SLC49A3: variants seen among roughly 807,000 people sequenced by gnomAD.
SLC49A3 encodes the protein solute carrier family 49 member 3, also known as solute carrier family 49 member A3.
In SLC49A3, 50 loss-of-function variants were observed where a neutral mutation model predicts 43.8. The ratio of observed to expected loss-of-function variants is 1.14; its 90% confidence interval spans 0.91 to 1.45. The LOEUF is 1.45. SLC49A3 is among the 40% of genes most tolerant of loss of function. SLC49A3 has a pLI of 0.00. For synonymous variants in SLC49A3, 413 were observed against 352.0 expected, an observed-to-expected ratio of 1.17 and a Z score of -1.94; for missense variants, 906 against 774.1, an observed-to-expected ratio of 1.17 and a Z score of -2.02.
In SLC49A3 at chr4:689,114, G is replaced by A. The variant is rs1741617406; in HGVS notation, c.14C>T (p.Thr5Met). 6 of 1,414,856 alleles carry A rather than the reference G, an allele frequency of 4.2e-6. No individual in the cohort carries two copies. The highest frequency in any genetic ancestry group is 5.5e-6 in the Non-Finnish European group (6 of 1,091,668). 87.6% of individuals were successfully genotyped at this position (1,414,856 alleles called of 1,614,324 possible). Reference sequence around the variant, plus strand: ...CTCGGCCAACCCCGTCTCGGCCTCCGTCGGCCCCGCCATCGTCGGCGGCCT... The same window carrying A: ...CTCGGCCAACCCCGTCTCGGCCTCCATCGGCCCCGCCATCGTCGGCGGCCT... MAGP[T>M]EAETGLAEPR... The change falls in exon 1 of 10, where the codon ACG becomes ATG. Residue 5 changes from threonine (T) to methionine (M), a missense_variant. Physicochemically the swap from Thr to Met is moderately conservative, Grantham distance 81. Transcript: ENST00000322224.
Position 684,618 on chromosome 4 carries a change from T to G in SLC49A3, c.724-19A>C, listed in dbSNP as rs1449693083. ...ACATGAGCTGCTGGGAAAGAGCGTC[T>G]CAGCCCCGGAGCCCGGGGGCCCTTC... On this transcript the variant is annotated intron_variant, in intron 5 of 9. Coordinates refer to ENST00000322224, the MANE Select transcript of SLC49A3 (RefSeq NM_032219.4). 6.2e-7 allele frequency: 1 copy of G among 1,612,142 alleles called. No homozygotes were observed. The highest frequency in any genetic ancestry group is 1.7e-5 in the Admixed American group (1 of 59,938).
chr4:689,143 C>T lies in SLC49A3; in HGVS notation c.-16G>A, dbSNP rs771050448. 1.1e-4 allele frequency: 149 copies of T among 1,328,180 alleles called. No homozygotes were observed. The African/African-American group carries it at 1.8e-3, about 16-fold the overall frequency. 82.3% of individuals were successfully genotyped at this position (1,328,180 alleles called of 1,614,324 possible). On this transcript the variant is annotated 5_prime_UTR_variant, in exon 1 of 10. In the 5' UTR this introduces an upstream ATG that the reference lacks. Transcript: ENST00000322224. ...GCCCCGCCATCGTCGGCGGCCTCCA[C>T]GGGTCTCCGCCGGTCCCGCCGGCCG...
At chr4:677,440 C>A (rs1006661118), downstream of SLC49A3, among the ~76,000 whole-genome samples, 2 of 152,230 alleles carry the variant, frequency 1.3e-5, no homozygotes, top group African/African-American at 4.8e-5. Flanking sequence ...GCTCCTCCAA[C>A]CCAGAAATGT....
At chr4:677,919 T>C (rs1739007526), downstream of SLC49A3, 1 of 1,590,188 alleles carries the variant, frequency 6.3e-7, no homozygotes, top group Admixed American at 1.7e-5. Flanking sequence ...CCTGTCCTTG[T>C]AGGGAGTGGC....
At chr4:678,867 C>T, downstream of SLC49A3, 11 of 1,608,910 alleles carry the variant, frequency 6.8e-6, no homozygotes, top group South Asian at 5.5e-5. Flanking sequence ...GGAAGCCTAT[C>T]CTCAGTCAGG....
chr4:681,120 G>A, downstream of SLC49A3: 1 of 1,607,314 alleles, frequency 6.2e-7, no homozygotes, highest in Non-Finnish European at 8.5e-7. Context: ...GTCCCAGGCT[G>A]ACAAGATGAC....
At position 684,579 on chromosome 4, in the gene SLC49A3, A is replaced by G. The variant is rs144120385; in HGVS notation, c.744T>C (p.Tyr248=). ...CCCCCAAGCACACAGCCAGGATGAC[A>G]TAGGCCTTGTTCCACATGAGCTGCT... ...GLKLLMWNKA[Y]VILAVCLGGM... The change falls in exon 6 of 10, where the codon TAT becomes TAC. Residue 248 remains tyrosine (Y), a synonymous_variant. Coordinates refer to ENST00000322224, the MANE Select transcript of SLC49A3 (RefSeq NM_032219.4). 3.1e-6 allele frequency: 5 copies of G among 1,612,944 alleles called. No homozygotes were observed. Among genetic ancestry groups the G allele is most frequent in the Non-Finnish European group, 4.2e-6 (5 of 1,179,932 alleles).
downstream of SLC49A3, chr4:680,751 G>T: frequency 1.4e-6 from 1 of 734,142 alleles, no homozygotes. Context: ...TGAGTGGGAG[G>T]CCAGCCCTGC....
Position 686,530 on chromosome 4 carries a change from ACCG to A in SLC49A3, c.293_294+1del, listed in dbSNP as rs748113787. Reference sequence around the variant, plus strand: ...CGGGCCATGGTGTGGGGTCTGACTCACCGCCGCACGGAGCCCGACGGAGTCCAG... The same window carrying A: ...CGGGCCATGGTGTGGGGTCTGACTCACCGCACGGAGCCCGACGGAGTCCAG... On this transcript the variant is annotated splice_donor_variant and coding_sequence_variant, in exon 2 of 10. Coordinates refer to ENST00000322224, the MANE Select transcript of SLC49A3 (RefSeq NM_032219.4). LOFTEE classifies it high-confidence loss of function. 4 of 1,611,588 alleles carry A rather than the reference ACCG, an allele frequency of 2.5e-6. No individual in the cohort carries two copies. In the African/African-American group the frequency reaches 5.3e-5, roughly 22 times the overall value.
At chr4:683,536 C>G in intron 7 of SLC49A3, 73 bp downstream of exon 7, 1 of 1,533,560 alleles carries the variant, frequency 6.5e-7, no homozygotes, top group Non-Finnish European at 8.8e-7. Context: ...CCAGCCAAGC[C>G]GCCAACCGCC....
downstream of SLC49A3, among the ~76,000 whole-genome samples, chr4:681,338 C>T (rs1739479873): frequency 6.6e-6 from 1 of 152,062 alleles, no homozygotes; most frequent in Admixed American, 6.5e-5. Context: ...GGTTGGAGAC[C>T]CCTCCCCTCC....
Position 682,212 on chromosome 4 carries a change from C to T in SLC49A3, c.1426G>A (p.Ala476Thr), listed in dbSNP as rs1376016195. Residue 476 changes from alanine (A) to threonine (T), a missense_variant, in exon 10 of 10, where the codon GCA becomes ACA. Transcript: ENST00000322224. ...GGCCCCAGGACCCCAGCCCTTCCTGCTCCCCCTCGGTCCACACCCGGCCCT... is the reference window on the plus strand; with the variant it reads ...GGCCCCAGGACCCCAGCCCTTCCTGTTCCCCCTCGGTCCACACCCGGCCCT... The part of the protein sequence containing the change: ...DSGPGVDRGG[A>T]GRAGVLGPST... The T allele has an allele frequency of 7.3e-7, 1 of 1,375,290 alleles. No individual in the cohort carries two copies. The highest frequency in any genetic ancestry group is 9.5e-7 in the Non-Finnish European group (1 of 1,053,548). The allele number at this position is 1,375,290 out of a possible 1,614,324, so 85.2% of individuals were successfully genotyped here. A position where few individuals can be genotyped will look rare whatever the true frequency, so the allele number is the denominator to read the frequency against.
chr4:677,998 C>T, downstream of SLC49A3: 1 of 1,613,386 alleles, frequency 6.2e-7, no homozygotes, highest in Non-Finnish European at 8.5e-7. Context: ...GGGCCCTGGG[C>T]AGACGCATCA....
chr4:678,672 C>G, downstream of SLC49A3: 2 of 1,609,398 alleles, frequency 1.2e-6, no homozygotes, highest in East Asian at 2.2e-5. Context: ...GCAGGAAGAC[C>G]AAGAAGAAGG....
Position 685,013 on chromosome 4 carries a change from C to T in SLC49A3, c.586-157G>A. The T allele has an allele frequency of 9.7e-7, 1 of 1,030,816 alleles. No homozygotes were observed. The highest frequency in any genetic ancestry group is 1.4e-6 in the Non-Finnish European group (1 of 735,762). 63.9% of individuals were successfully genotyped at this position (1,030,816 alleles called of 1,614,324 possible). A position where few individuals can be genotyped will look rare whatever the true frequency, so the allele number is the denominator to read the frequency against. On this transcript the variant is annotated intron_variant, in intron 4 of 9. Transcript: ENST00000322224. The surrounding 1 kb of genome is among the most constrained non-coding windows in gnomAD (Gnocchi z 4.3). ...GCAGCTGCCCTTTGCGAGGCCCAGG[C>T]TGGGAGGGGCCTGCTCCAGGGGCTC...
rs763436509 is a variant in SLC49A3, at chr4:682,224, C to T, written c.1414G>A (p.Asp472Asn). ...CCAGCCCTTCCTGCTCCCCCTCGGT[C>T]CACACCCGGCCCTGAGTCTGCGCCG... is the stretch of plus-strand genomic sequence containing the variant. ...VGGADSGPGVDRGGAGRAGVL... is the reference protein window; with the variant it reads ...VGGADSGPGVNRGGAGRAGVL... The change falls in exon 10 of 10, where the codon GAC (aspartate) becomes AAC (asparagine). Residue 472 changes from aspartate (D) to asparagine (N), a missense_variant. By Grantham distance (23) the Asp-to-Asn change is conservative (BLOSUM62 1). Coordinates refer to ENST00000322224, the MANE Select transcript of SLC49A3 (RefSeq NM_032219.4). 7 of 1,381,628 alleles carry T rather than the reference C, an allele frequency of 5.1e-6. No individual in the cohort carries two copies. The East Asian group carries it at 2.0e-4, about 39-fold the overall frequency. The allele number at this position is 1,381,628 out of a possible 1,614,324, so 85.6% of individuals were successfully genotyped here.
chr4:680,560 AC>A (rs376244258), downstream of SLC49A3: 190 of 1,613,430 alleles, frequency 1.2e-4, 1 homozygote, highest in East Asian at 3.2e-3. Context: ...CTGGACCCGG[AC>A]GGGAAAGGGA....
chr4:678,980 A>C (rs1450695932), downstream of SLC49A3: 1 of 1,613,704 alleles, frequency 6.2e-7, no homozygotes, highest in African/African-American at 1.3e-5. Context: ...ATGGATCAGA[A>C]CCGAGATGGC....
downstream of SLC49A3, chr4:680,540 C>T (rs776361007): frequency 2.9e-5 from 47 of 1,613,484 alleles, no homozygotes; most frequent in Non-Finnish European, 3.6e-5. Flanking sequence ...TTCTTAACGC[C>T]TTCAAGATGC....
Sources: allele counts gnomAD v4.1 joint callset (sites outside exome capture counted in the v4.1 genomes callset), GRCh38; gene constraint gnomAD v4.1.1; non-coding constraint Gnocchi (gnomAD v3.1); transcripts MANE v1.5; gene names NCBI Gene and HGNC (gene_info 2026-07-23, HGNC 2026-07-21).